FSHR: variants seen among roughly 807,000 people sequenced by gnomAD.
The protein encoded by FSHR is follicle stimulating hormone receptor, also known as follicle-stimulating hormone receptor.
A neutral mutation model predicts 52.1 loss-of-function variants in FSHR; 46 were observed. The ratio of observed to expected loss-of-function variants is 0.88; its 90% CI spans 0.70 to 1.13. The LOEUF (loss-of-function observed/expected upper bound fraction) is 1.13. Ranked by LOEUF, FSHR falls within the 50% of genes most tolerant of loss-of-function variation. The pLI, the probability that FSHR is intolerant of heterozygous loss-of-function variation, is 0.00. For missense variants in FSHR, 964 were observed against 834.6 expected (o/e 1.16, Z -1.91); for synonymous variants, 399 against 309.6 (o/e 1.29, Z -3.03).
At chr2:49,127,803 T>TTCTTCTTCTTCTTCTTCTTCA (rs1672079269) in intron 1 of FSHR, among the ~76,000 whole-genome samples, 2 of 60,292 alleles carry the variant, frequency 3.3e-5, no homozygotes, top group African/African-American at 1.4e-4. Flanking sequence ...CTTCTTCTTC[T>TTCTTCTTCTTCTTCTTCTTCA]TCTTCTTCTT....
At chr2:49,124,869 G>T (rs767018712) in intron 1 of FSHR, among the ~76,000 whole-genome samples, 37 of 152,054 alleles carry the variant, frequency 2.4e-4, no homozygotes, top group Non-Finnish European at 4.7e-4. Flanking sequence ...AAGAAAACTG[G>T]TGTCCTTACA....
At position 48,973,338 on chromosome 2, in the gene FSHR, G is replaced by A. The variant is rs375564538; in HGVS notation, c.669-4455C>T. ...AAACACAGATGTGTGAGGCACATAA[G>A]TGATGGGGACTACTTGGAAGTGGAC... is the stretch of plus-strand genomic sequence containing the variant. On this transcript the variant is annotated intron_variant, in intron 8 of 9. Transcript: ENST00000406846. 2.6e-4 allele frequency among the ~76,000 whole-genome samples: 38 copies of A among 147,180 alleles called. No individual in the cohort carries two copies. In the East Asian group the frequency reaches 7.3e-3, roughly 28 times the overall value.
chr2:49,109,056 G>A (rs901173547), intron 1 of FSHR, among the ~76,000 whole-genome samples: 1 of 152,128 alleles, frequency 6.6e-6, no homozygotes, highest in Admixed American at 6.5e-5. Flanking sequence ...AAGCAAATCT[G>A]CCTGGGATTC....
At chr2:49,147,235 G>C (rs1672902427) in intron 1 of FSHR, among the ~76,000 whole-genome samples, 2 of 151,962 alleles carry the variant, frequency 1.3e-5, no homozygotes, top group South Asian at 4.1e-4. Flanking sequence ...TCAGATCCTA[G>C]GCAATTAAAA....
Position 49,020,136 on chromosome 2 carries a change from C to T in FSHR, c.249G>A (p.Leu83=). The T allele has an allele frequency of 2.5e-6, 4 of 1,613,546 alleles. No individual in the cohort carries two copies. The highest frequency in any genetic ancestry group is 1.1e-5 in the South Asian group (1 of 91,064). Residue 83 remains leucine, a synonymous_variant, in exon 3 of 10, where the codon TTG becomes TTA. Coordinates refer to ENST00000406846, the MANE Select transcript of FSHR (RefSeq NM_000145.4). The stretch of plus-strand genomic sequence containing the variant: ...AGAACACATCTGCCTCTATCACCTC[C>T]AAGACATCATTCTGAGAGATCTCTC... ...EKIEISQNDV[L]EVIEADVFSN...
At chr2:49,146,139 T>C (rs1402871368) in intron 1 of FSHR, among the ~76,000 whole-genome samples, 2 of 151,986 alleles carry the variant, frequency 1.3e-5, no homozygotes, top group African/African-American at 2.4e-5. Context: ...AGAGCAGGGA[T>C]CTGGGAGGGA....
chr2:49,021,831 T>TTCTCTCTCTC (rs1553334822), intron 2 of FSHR, among the ~76,000 whole-genome samples: 32 of 46,490 alleles, frequency 6.9e-4, no homozygotes, highest in African/African-American at 2.3e-3. Context: ...GGGTATGTGT[T>TTCTCTCTCTC]TCTCTCTCTC....
rs1667314060 is a variant in FSHR, at chr2:49,012,598, C to A, written c.374+4891G>T. Among the ~76,000 whole-genome samples, 4 of 152,124 alleles carry A rather than the reference C, an allele frequency of 2.6e-5. 1 individual carries two copies. Among genetic ancestry groups the A allele is most frequent in the Admixed American group, 2.6e-4 (4 of 15,260 alleles). On this transcript the variant is annotated intron_variant, in intron 4 of 9. Transcript: ENST00000406846. ...AAATTAGGACATTCAAGTCAAGTAGCAACTCACCCCTACCCCTTGTAATCT... is the reference window on the plus strand; with the variant it reads ...AAATTAGGACATTCAAGTCAAGTAGAAACTCACCCCTACCCCTTGTAATCT...
chr2:48,985,353 A>AGGAACAGAG (rs1426497935), intron 6 of FSHR, among the ~76,000 whole-genome samples: 1 of 152,182 alleles, frequency 6.6e-6, no homozygotes, highest in African/African-American at 2.4e-5. Flanking sequence ...GGGCAGACTG[A>AGGAACAGAG]GGAACAGAGG....
intron 1 of FSHR, among the ~76,000 whole-genome samples, chr2:49,136,107 G>A (rs1381766090): frequency 6.6e-6 from 1 of 151,634 alleles, no homozygotes; most frequent in East Asian, 1.9e-4. Flanking sequence ...AAAAAAAGAA[G>A]ACAAACTTTA....
In FSHR at chr2:48,963,222, G is replaced by C; in HGVS notation, c.1599C>G (p.Ser533=). 6.2e-7 allele frequency: 1 copy of C among 1,614,152 alleles called. No individual in the cohort carries two copies. ...DSPLSQLYVM[S]LLVLNVLAFV... is the part of the protein sequence containing the mutation. ...AGGCCAGGACATTGAGCACAAGGAG[G>C]GACATGACATACAGCTGTGACAAAG... The change falls in exon 10 of 10, where the codon TCC becomes TCG. Residue 533 remains serine (S), a synonymous_variant. Transcript: ENST00000406846.
At chr2:49,079,051 A>G (rs1352955102) in intron 1 of FSHR, among the ~76,000 whole-genome samples, 1 of 152,156 alleles carries the variant, frequency 6.6e-6, no homozygotes, top group Non-Finnish European at 1.5e-5. Context: ...AGCTGATAAG[A>G]AAGTCTAGTT....
intron 2 of FSHR, among the ~76,000 whole-genome samples, chr2:49,055,682 A>C (rs1167793464): frequency 2.6e-5 from 4 of 152,038 alleles, no homozygotes; most frequent in Non-Finnish European, 2.9e-5. Context: ...GTCACATATT[A>C]AAAAATCCAC....
At chr2:49,105,529 C>G (rs1671190811) in intron 1 of FSHR, among the ~76,000 whole-genome samples, 1 of 152,006 alleles carries the variant, frequency 6.6e-6, no homozygotes, top group Non-Finnish European at 1.5e-5. Flanking sequence ...TGAGGCTGGG[C>G]AAAAATAAAT....
intron 2 of FSHR, among the ~76,000 whole-genome samples, chr2:49,065,970 T>C (rs777229123): frequency 1.3e-5 from 2 of 152,056 alleles, no homozygotes; most frequent in African/African-American, 2.4e-5. Context: ...ATAAGGTAAG[T>C]AGAAGAGGAT....
intron 1 of FSHR, among the ~76,000 whole-genome samples, chr2:49,079,338 C>A (rs2103650914): frequency 6.6e-6 from 1 of 152,178 alleles, no homozygotes; most frequent in African/African-American, 2.4e-5. Context: ...CAAAACCCAT[C>A]TAAAGCACAG....
chr2:49,067,767 T>C (rs1190373212), intron 2 of FSHR, among the ~76,000 whole-genome samples: 1 of 152,084 alleles, frequency 6.6e-6, no homozygotes, highest in Non-Finnish European at 1.5e-5. Context: ...TACTTTGAAA[T>C]GCTTATATAT....
chr2:49,024,800 A>G (rs965925990), intron 2 of FSHR, among the ~76,000 whole-genome samples: 7 of 152,148 alleles, frequency 4.6e-5, no homozygotes, highest in Admixed American at 4.6e-4. Context: ...TGTAATAGTC[A>G]CTGAATCAAA....
chr2:49,105,094 G>T lies in FSHR; in HGVS notation c.153-36804C>A, dbSNP rs375645789. Among the ~76,000 whole-genome samples, 11 of 152,212 alleles carry T rather than the reference G, an allele frequency of 7.2e-5. No individual in the cohort carries two copies. In the East Asian group the frequency reaches 1.4e-3, roughly 19 times the overall value. On this transcript the variant is annotated intron_variant, in intron 1 of 9. Transcript: ENST00000406846. ...TGGACAGGGTGAGGGCAGGGAGTGGGTACTGAGACCAATCACACTTTGTAC... is the reference window on the plus strand; with the variant it reads ...TGGACAGGGTGAGGGCAGGGAGTGGTTACTGAGACCAATCACACTTTGTAC...
Sources: gnomAD v4.1 joint callset for allele counts (sites outside exome capture counted in the v4.1 genomes callset) on GRCh38, gnomAD v4.1.1 for gene constraint, MANE v1.5 for transcripts, NCBI Gene and HGNC (gene_info 2026-07-23, HGNC 2026-07-21) for gene names.